Variants in SLC10A7 observed in about 807,000 individuals in gnomAD.
SLC10A7 encodes solute carrier family 10 member 7, also known as sodium/bile acid cotransporter 7.
A neutral mutation model predicts 43.2 loss-of-function variants in SLC10A7; 29 were observed. That is an observed-to-expected ratio of 0.67 (90% CI 0.50 to 0.92). SLC10A7 has a LOEUF of 0.92. Among genes scored for constraint, SLC10A7 ranks in the 40% least tolerant of loss-of-function variants. The pLI, the probability that SLC10A7 is intolerant of heterozygous loss-of-function variation, is 0.00. For synonymous variants in SLC10A7, 152 were observed against 144.8 expected (o/e 1.05, Z -0.35); for missense variants, 295 against 403.2 (o/e 0.73, Z 2.30).
chr4:146,319,016 T>C (rs2149697814), intron 6 of SLC10A7, among the ~76,000 whole-genome samples: 1 of 152,154 alleles, frequency 6.6e-6, no homozygotes, highest in East Asian at 1.9e-4. Context: ...TCCACCATGG[T>C]CCCCTTACAA....
In SLC10A7 at chr4:146,436,450, G is replaced by A. The variant is rs76296868; in HGVS notation, c.435+6333C>T. Among the ~76,000 whole-genome samples the A allele has an allele frequency of 9.1e-4, 139 of 152,116 alleles. 4 individuals carry two copies. The East Asian group carries it at 0.025, about 27-fold the overall frequency. ...CACATCACTGTTTTTCTAGAGAGGT[G>A]TCATGTAAAAAATGATCTAGTGAAA... is the stretch of plus-strand genomic sequence containing the variant. On this transcript the variant is annotated intron_variant, in intron 5 of 11. Coordinates refer to ENST00000335472, the MANE Select transcript of SLC10A7 (RefSeq NM_001029998.6).
intron 10 of SLC10A7, among the ~76,000 whole-genome samples, chr4:146,274,502 C>A (rs1413871173): frequency 1.3e-5 from 2 of 152,086 alleles, no homozygotes; most frequent in Non-Finnish European, 2.9e-5. Flanking sequence ...CCGTGCCTGG[C>A]CTAGATTATA....
intron 5 of SLC10A7, among the ~76,000 whole-genome samples, chr4:146,400,746 T>C (rs1739172238): frequency 1.3e-5 from 2 of 152,058 alleles, no homozygotes. Flanking sequence ...CTGAACATAC[T>C]CACCATTTGA....
At chr4:146,441,811 C>T (rs2149889886) in intron 5 of SLC10A7, 1 of 985,266 alleles carries the variant, frequency 1.0e-6, no homozygotes, top group Non-Finnish European at 1.2e-6. Context: ...CTATGTGACA[C>T]TAAAAGCTGT....
intron 9 of SLC10A7, among the ~76,000 whole-genome samples, chr4:146,290,152 A>G (rs568541000): frequency 0.01 from 1,540 of 150,858 alleles, 12 homozygotes; most frequent in African/African-American, 0.025. Flanking sequence ...CTGAAACCCC[A>G]TCTCTACTAA....
chr4:146,405,148 T>C (rs1022363380), intron 5 of SLC10A7, among the ~76,000 whole-genome samples: 2 of 152,206 alleles, frequency 1.3e-5, no homozygotes, highest in Non-Finnish European at 2.9e-5. Flanking sequence ...AATCAGTTTT[T>C]TGCCTCTGTT....
intron 4 of SLC10A7, among the ~76,000 whole-genome samples, chr4:146,473,841 C>G (rs868094213): frequency 3.9e-5 from 6 of 151,952 alleles, no homozygotes; most frequent in Non-Finnish European, 7.4e-5. Flanking sequence ...GTTAGGGAAT[C>G]AACACTATTA....
At chr4:146,274,638 A>G (rs908277825) in intron 10 of SLC10A7, among the ~76,000 whole-genome samples, 18 of 152,222 alleles carry the variant, frequency 1.2e-4, no homozygotes, top group African/African-American at 3.1e-4. Context: ...GCTACAAATT[A>G]GAAAAACTGG....
intron 6 of SLC10A7, among the ~76,000 whole-genome samples, chr4:146,317,780 GCCACC>G (rs757482939): frequency 1.2e-4 from 18 of 151,856 alleles, no homozygotes; most frequent in African/African-American, 4.4e-4. Context: ...ACCTATACCA[GCCACC>G]ACCCCCAACC....
At chr4:146,432,930 C>T (rs1047988998) in intron 5 of SLC10A7, among the ~76,000 whole-genome samples, 8 of 150,958 alleles carry the variant, frequency 5.3e-5, no homozygotes, top group Non-Finnish European at 7.4e-5. Flanking sequence ...CCCAGCTACT[C>T]GGGAGGCTGA....
intron 5 of SLC10A7, among the ~76,000 whole-genome samples, chr4:146,422,121 G>T (rs953886867): frequency 6.6e-6 from 1 of 152,084 alleles, no homozygotes; most frequent in African/African-American, 2.4e-5. Flanking sequence ...ATTGAAAAGA[G>T]CCAAGCATAC....
At chr4:146,393,121 G>C (rs536630474) in intron 5 of SLC10A7, among the ~76,000 whole-genome samples, 64 of 147,340 alleles carry the variant, frequency 4.3e-4, no homozygotes, top group Admixed American at 1.5e-3. Context: ...GAGCACAGGA[G>C]GTAGCGGTTG....
intron 5 of SLC10A7, among the ~76,000 whole-genome samples, chr4:146,392,065 C>T (rs775883454): frequency 2.0e-4 from 31 of 152,142 alleles, no homozygotes; most frequent in Admixed American, 2.6e-4. Flanking sequence ...GGTGGAGATA[C>T]GACTTGTCTG....
At chr4:146,333,514 A>G (rs1733676353) in intron 5 of SLC10A7, among the ~76,000 whole-genome samples, 1 of 152,158 alleles carries the variant, frequency 6.6e-6, no homozygotes, top group African/African-American at 2.4e-5. Flanking sequence ...AAAGAAGAAA[A>G]GGAGTTAACC....
chr4:146,256,439 T>A lies in SLC10A7; in HGVS notation c.*52A>T. 6.4e-7 allele frequency: 1 copy of A among 1,572,208 alleles called. No homozygotes were observed. The highest frequency in any genetic ancestry group is 8.7e-7 in the Non-Finnish European group (1 of 1,146,182). The stretch of plus-strand genomic sequence containing the variant: ...AAGTACAAGTCTTCAGAATTGCTAG[T>A]ATGTACAATCCTGTACATATATACA... On this transcript the variant is annotated 3_prime_UTR_variant, in exon 12 of 12. Coordinates refer to ENST00000335472, the MANE Select transcript of SLC10A7 (RefSeq NM_001029998.6).
At chr4:146,264,448 C>T (rs138771427) in intron 10 of SLC10A7, among the ~76,000 whole-genome samples, 82 of 152,226 alleles carry the variant, frequency 5.4e-4, no homozygotes, top group African/African-American at 1.9e-3. Context: ...TGTAGGTGTG[C>T]TATGTTCCTA....
intron 6 of SLC10A7, 36 bp from the exon 7 acceptor site, chr4:146,306,045 A>C: frequency 6.6e-7 from 1 of 1,520,222 alleles, no homozygotes; most frequent in Non-Finnish European, 8.9e-7. Flanking sequence ...GAATTACTTC[A>C]AATCAGTTAT....
chr4:146,475,839 C>T (rs1733978130), intron 4 of SLC10A7, among the ~76,000 whole-genome samples: 1 of 152,094 alleles, frequency 6.6e-6, no homozygotes, highest in Admixed American at 6.6e-5. Context: ...AGAAATTAAA[C>T]CGCATATTAA....
chr4:146,501,642 C>T (rs1257228671), intron 4 of SLC10A7, among the ~76,000 whole-genome samples: 4 of 152,160 alleles, frequency 2.6e-5, no homozygotes, highest in Admixed American at 6.5e-5. Context: ...CCCACTGACC[C>T]ACATGGGACA....
Sources: gnomAD v4.1 joint callset for allele counts (sites outside exome capture counted in the v4.1 genomes callset) on GRCh38, gnomAD v4.1.1 for gene constraint, MANE v1.5 for transcripts, NCBI Gene and HGNC (gene_info 2026-07-23, HGNC 2026-07-21) for gene names.